CERS6: variants seen among roughly 807,000 people sequenced by gnomAD.
CERS6 encodes LAG1 homolog, ceramide synthase 6.
CERS6 carries 26 observed loss-of-function variants against 56.8 expected under a neutral mutation model. The observed-to-expected ratio is 0.46, with a 90% confidence interval of 0.34 to 0.63. The LOEUF is 0.63. CERS6 is among the 30% of genes least tolerant of loss of function. CERS6 has a pLI of 0.01. For missense variants in CERS6, 415 were observed against 467.5 expected (o/e 0.89, Z 1.04); for synonymous variants, 164 against 173.3 (o/e 0.95, Z 0.42).
At position 168,528,650 on chromosome 2, in the gene CERS6, G is replaced by GAGGACTTTGCAAACAAATTTGTT. The variant is rs71003044; in HGVS notation, c.171-18943_171-18942insACTTTGCAAACAAATTTGTTAGG. ...TTAGGCAGAAGTTGTAGAAGAACTA[G>GAGGACTTTGCAAACAAATTTGTT]AGGTTCATAGTTTTATAGCATGAGT... On this transcript the variant is annotated intron_variant, in intron 1 of 9. Coordinates refer to ENST00000305747, the MANE Select transcript of CERS6 (RefSeq NM_203463.3). Among the ~76,000 whole-genome samples the GAGGACTTTGCAAACAAATTTGTT allele has an allele frequency of 6.8e-3, 1,036 of 152,104 alleles. 40 individuals are homozygous for GAGGACTTTGCAAACAAATTTGTT. Among genetic ancestry groups the GAGGACTTTGCAAACAAATTTGTT allele is most frequent in the Admixed American group, 0.063 (967 of 15,266 alleles).
At chr2:168,544,199 C>T (rs1435888931) in intron 1 of CERS6, among the ~76,000 whole-genome samples, 1 of 152,126 alleles carries the variant, frequency 6.6e-6, no homozygotes, top group East Asian at 1.9e-4. Flanking sequence ...GTCTGTTATT[C>T]TTCTCTCTCT....
intron 8 of CERS6, among the ~76,000 whole-genome samples, chr2:168,751,887 A>G (rs191761720): frequency 4.7e-4 from 71 of 152,298 alleles, no homozygotes; most frequent in Non-Finnish European, 4.3e-4. Flanking sequence ...TCCGGCCTGT[A>G]CATGCCTTTG....
intron 3 of CERS6, among the ~76,000 whole-genome samples, chr2:168,628,461 G>A (rs1684640272): frequency 6.6e-6 from 1 of 152,182 alleles, no homozygotes; most frequent in Non-Finnish European, 1.5e-5. Context: ...TGCTTTGTAT[G>A]TGGATTGTCT....
intron 1 of CERS6, among the ~76,000 whole-genome samples, chr2:168,504,021 G>T (rs1694632257): frequency 6.6e-6 from 1 of 152,218 alleles, no homozygotes; most frequent in Admixed American, 6.5e-5. Flanking sequence ...TCCAGACAAA[G>T]CTGCAGCTTG....
chr2:168,477,500 A>C (rs1273697687), intron 1 of CERS6, among the ~76,000 whole-genome samples: 1 of 152,196 alleles, frequency 6.6e-6, no homozygotes, highest in Admixed American at 6.5e-5. Context: ...AGAATTTTTA[A>C]CATTTTATAT....
In CERS6 at chr2:168,717,855, A is replaced by T; in HGVS notation, c.739-17A>T. ...CAGTTTAACTACATTAATATATCAC[A>T]TTCCTTTCTTTCATAGGCTGCCAAA... On this transcript the variant is annotated splice_polypyrimidine_tract_variant and intron_variant, in intron 7 of 9. Coordinates refer to ENST00000305747, the MANE Select transcript of CERS6 (RefSeq NM_203463.3). 4 of 1,583,936 alleles carry T rather than the reference A, an allele frequency of 2.5e-6. No individual in the cohort carries two copies. Among genetic ancestry groups the T allele is most frequent in the Non-Finnish European group, 3.5e-6 (4 of 1,153,632 alleles).
intron 8 of CERS6, among the ~76,000 whole-genome samples, chr2:168,735,358 G>T (rs2105418731): frequency 6.6e-6 from 1 of 151,620 alleles, no homozygotes; most frequent in East Asian, 1.9e-4. Context: ...CCTATAAATT[G>T]TACCCATCTT....
At chr2:168,505,382 CAAAA>C (rs370477008) in intron 1 of CERS6, among the ~76,000 whole-genome samples, 1,233 of 96,376 alleles carry the variant, frequency 0.013, 13 homozygotes, top group African/African-American at 0.03. Flanking sequence ...ACCCTGTTTC[CAAAA>C]AAAAAAAAAA....
chr2:168,658,236 T>C (rs1189854282), intron 4 of CERS6, among the ~76,000 whole-genome samples: 1 of 152,198 alleles, frequency 6.6e-6, no homozygotes. Flanking sequence ...TAAATAATAA[T>C]GTAAACATAG....
At chr2:168,527,547 G>T (rs1034233700) in intron 1 of CERS6, among the ~76,000 whole-genome samples, 1 of 152,148 alleles carries the variant, frequency 6.6e-6, no homozygotes, top group Admixed American at 6.5e-5. Flanking sequence ...AGTTCTAGAG[G>T]CTGGGAAGTT....
At chr2:168,633,398 T>C (rs944300022) in intron 4 of CERS6, among the ~76,000 whole-genome samples, 1 of 152,134 alleles carries the variant, frequency 6.6e-6, no homozygotes, top group East Asian at 1.9e-4. Flanking sequence ...AACCCTCTCA[T>C]TTCACAGCTC....
intron 3 of CERS6, among the ~76,000 whole-genome samples, chr2:168,615,328 T>A (rs115459849): frequency 0.018 from 2,775 of 151,504 alleles, 101 homozygotes; most frequent in African/African-American, 0.063. Context: ...CCCCGAAAAA[T>A]CACACCAGCT....
intron 3 of CERS6, among the ~76,000 whole-genome samples, chr2:168,601,916 T>C (rs940281031): frequency 2.0e-5 from 3 of 152,166 alleles, no homozygotes; most frequent in Non-Finnish European, 2.9e-5. Flanking sequence ...TTGCATGCAG[T>C]GTTGAACTTG....
intron 4 of CERS6, among the ~76,000 whole-genome samples, chr2:168,687,799 G>A (rs1420220160): frequency 6.6e-6 from 1 of 152,226 alleles, no homozygotes; most frequent in African/African-American, 2.4e-5. Flanking sequence ...CCCCCACCAG[G>A]CTCAAGCAAT....
intron 1 of CERS6, among the ~76,000 whole-genome samples, chr2:168,468,685 A>T (rs1432939446): frequency 6.6e-6 from 1 of 152,212 alleles, no homozygotes; most frequent in Non-Finnish European, 1.5e-5. Context: ...TTTACATCAT[A>T]GACATTTACC....
intron 6 of CERS6, among the ~76,000 whole-genome samples, chr2:168,705,036 G>T (rs1235001912): frequency 6.6e-6 from 1 of 151,964 alleles, no homozygotes; most frequent in Admixed American, 6.6e-5. Flanking sequence ...TTCCTCACAC[G>T]TCCGTTTCTG....
chr2:168,695,047 G>C lies in CERS6; in HGVS notation c.605G>C (p.Arg202Thr), dbSNP rs746130855. 3 of 1,611,492 alleles carry C rather than the reference G, an allele frequency of 1.9e-6. No individual in the cohort carries two copies. The highest frequency in any genetic ancestry group is 1.7e-6 in the Non-Finnish European group (2 of 1,177,978). The change falls in exon 6 of 10, where the codon AGA becomes ACA. Residue 202 changes from arginine to threonine, a missense_variant. By Grantham distance (71) the Arg-to-Thr change is moderately conservative. Transcript: ENST00000305747. ...TTTTCTCAGTTCACTGATATCAAAAGAAAGGTAAGAGCGGTTATGTCGTAA... is the reference window on the plus strand; with the variant it reads ...TTTTCTCAGTTCACTGATATCAAAACAAAGGTAAGAGCGGTTATGTCGTAA... ...LMFSQFTDIKRKDFGIMFLHH... is the reference protein window; with the variant it reads ...LMFSQFTDIKTKDFGIMFLHH...
chr2:168,734,951 C>T (rs937918048), intron 8 of CERS6, among the ~76,000 whole-genome samples: 4 of 152,198 alleles, frequency 2.6e-5, no homozygotes, highest in African/African-American at 9.7e-5. Flanking sequence ...TGACAAATGA[C>T]ACTATAGAGT....
At chr2:168,507,026 C>T (rs1238009780) in intron 1 of CERS6, among the ~76,000 whole-genome samples, 2 of 151,988 alleles carry the variant, frequency 1.3e-5, no homozygotes, top group Non-Finnish European at 2.9e-5. Context: ...GTATTTGTCC[C>T]ATGTGTGCAC....
Sources: allele counts gnomAD v4.1 joint callset (sites outside exome capture counted in the v4.1 genomes callset), GRCh38; gene constraint gnomAD v4.1.1; transcripts MANE v1.5; gene names NCBI Gene and HGNC (gene_info 2026-07-23, HGNC 2026-07-21).